PTPRN2: variants seen among roughly 807,000 people sequenced by gnomAD.
The protein encoded by PTPRN2 is protein tyrosine phosphatase receptor type N2, also known as receptor-type tyrosine-protein phosphatase N2.
In PTPRN2, 74 loss-of-function variants were observed where a neutral mutation model predicts 118.8. The observed-to-expected ratio is 0.62, with a 90% CI of 0.52 to 0.76. The LOEUF (loss-of-function observed/expected upper bound fraction) is 0.76. Among genes scored for constraint, PTPRN2 ranks in the 30% least tolerant of loss-of-function variants. The pLI is 0.00. For missense variants in PTPRN2, 1,481 were observed against 1,394.4 expected (o/e 1.06, Z -0.99); for synonymous variants, 641 against 608.0 (o/e 1.05, Z -0.80).
chr7:157,894,323 T>C (rs1019599610), intron 12 of PTPRN2, among the ~76,000 whole-genome samples: 6 of 151,760 alleles, frequency 4.0e-5, no homozygotes, highest in Non-Finnish European at 7.4e-5. Context: ...CATCTTTCTG[T>C]GGATCCAAGT....
Position 158,526,338 on chromosome 7 carries a change from G to A in PTPRN2, c.113-36553C>T, listed in dbSNP as rs1009916279. Reference sequence around the variant, plus strand: ...AGCTCGGCAGGGCTGCATCTCTCCCGTGGGACGCTGCAGAGATAACCAGGT... The same window carrying A: ...AGCTCGGCAGGGCTGCATCTCTCCCATGGGACGCTGCAGAGATAACCAGGT... On this transcript the variant is annotated intron_variant, in intron 1 of 22. Coordinates refer to ENST00000389418, the MANE Select transcript of PTPRN2 (RefSeq NM_002847.5). This position sits in a 1 kb window ranked among gnomAD's most constrained non-coding sequence, Gnocchi z 5.2. Among the ~76,000 whole-genome samples, 10 of 152,170 alleles carry A rather than the reference G, an allele frequency of 6.6e-5. No homozygotes were observed. The highest frequency in any genetic ancestry group is 1.0e-4 in the Non-Finnish European group (7 of 68,032).
At chr7:158,215,946 G>T (rs1827928777) in intron 3 of PTPRN2, among the ~76,000 whole-genome samples, 1 of 152,096 alleles carries the variant, frequency 6.6e-6, no homozygotes, top group African/African-American at 2.4e-5. Context: ...CAAGAACATG[G>T]CAAGCAACAA....
rs144454770 is a variant in PTPRN2, at chr7:158,017,689, C to T, written c.1723+63609G>A. ...TGACTGACTCCCCAGCAGCAGCCCA[C>T]GTGGGGACCCTTGTCAGAGGGGTCT... On this transcript the variant is annotated intron_variant, in intron 11 of 22. Transcript: ENST00000389418. 2.6e-3 allele frequency among the ~76,000 whole-genome samples: 398 copies of T among 152,216 alleles called. 1 individual carries two copies. The highest frequency in any genetic ancestry group is 0.024 in the Middle Eastern group (7 of 294).
chr7:158,086,647 A>G (rs986690307), intron 10 of PTPRN2, among the ~76,000 whole-genome samples: 1 of 152,218 alleles, frequency 6.6e-6, no homozygotes, highest in Admixed American at 6.5e-5. Flanking sequence ...TAGACCATAA[A>G]GAGGAGCCTT....
rs760300360 is a variant in PTPRN2, at chr7:157,568,887, G to A, written c.2902+15C>T. On this transcript the variant is annotated intron_variant, in intron 21 of 22. Transcript: ENST00000389418. Reference sequence around the variant, plus strand: ...AGCTCTGAGCCGCAACAAAGCGGCAGTGTCTGTGTCTCACCTTTGGCCATC... The same window carrying A: ...AGCTCTGAGCCGCAACAAAGCGGCAATGTCTGTGTCTCACCTTTGGCCATC... 6.5e-6 allele frequency: 10 copies of A among 1,542,410 alleles called. No homozygotes were observed. Among genetic ancestry groups the A allele is most frequent in the Admixed American group, 1.7e-5 (1 of 59,900 alleles).
At chr7:157,689,145 G>A (rs1174044951) in intron 12 of PTPRN2, among the ~76,000 whole-genome samples, 1 of 152,238 alleles carries the variant, frequency 6.6e-6, no homozygotes, top group African/African-American at 2.4e-5. Flanking sequence ...GCTTGGGAGG[G>A]GGCGGGAGGG....
Position 157,583,883 on chromosome 7 carries a change from AACACACACACAC to A in PTPRN2, c.2497-5755_2497-5744del, listed in dbSNP as rs35071475. ...GGTGACAGAGCGAGACTCTGTCTCAAACACACACACACACACACACACACACACACACACACA... is the reference window on the plus strand; with the variant it reads ...GGTGACAGAGCGAGACTCTGTCTCAAACACACACACACACACACACACACA... On this transcript the variant is annotated intron_variant, in intron 17 of 22. Coordinates refer to ENST00000389418, the MANE Select transcript of PTPRN2 (RefSeq NM_002847.5). The surrounding 1 kb of genome is among the most constrained non-coding windows in gnomAD (Gnocchi z 5.5). 0.03 allele frequency among the ~76,000 whole-genome samples: 4,081 copies of A among 134,234 alleles called. 93 individuals are homozygous for A. Among genetic ancestry groups the A allele is most frequent in the African/African-American group, 0.066 (2,356 of 35,626 alleles). 88.1% of individuals were successfully genotyped at this position (134,234 alleles called of 152,430 possible). A position where few individuals can be genotyped will look rare whatever the true frequency, so the allele number is the denominator to read the frequency against.
rs115817928 is a variant in PTPRN2 at position 157,582,193 on chromosome 7, G to A, written c.2497-4053C>T. On this transcript the variant is annotated intron_variant, in intron 17 of 22. Coordinates refer to ENST00000389418, the MANE Select transcript of PTPRN2 (RefSeq NM_002847.5). ...TTCACCCATCAAATCACCCACAGGC[G>A]TGGAACAATGGCCACCCCGCCTACG... Among the ~76,000 whole-genome samples, 24 of 152,300 alleles carry A rather than the reference G, an allele frequency of 1.6e-4. No individual in the cohort carries two copies. In the South Asian group the frequency reaches 1.9e-3, roughly 12 times the overall value.
At chr7:158,170,565 T>C (rs1204539187) in intron 5 of PTPRN2, among the ~76,000 whole-genome samples, 1 of 152,218 alleles carries the variant, frequency 6.6e-6, no homozygotes, top group Non-Finnish European at 1.5e-5. Flanking sequence ...TTTCAGTAGT[T>C]AGCACAAACA....
At chr7:158,456,523 T>C (rs377173575) in intron 2 of PTPRN2, among the ~76,000 whole-genome samples, 1,468 of 134,668 alleles carry the variant, frequency 0.011, 48 homozygotes, top group African/African-American at 0.039. Flanking sequence ...CCATCGGCCA[T>C]GGCCCCCCAT....
intron 19 of PTPRN2, among the ~76,000 whole-genome samples, chr7:157,571,891 C>G (rs1393614902): frequency 7.4e-5 from 1 of 13,502 alleles, no homozygotes; most frequent in Non-Finnish European, 1.8e-4. Context: ...GCAATTTATG[C>G]TCAAAATTTC....
chr7:158,564,102 G>A lies in PTPRN2; in HGVS notation c.112+23456C>T, dbSNP rs147916859. ...GGATCTGAGTTAACTGTTGCCATAC[G>A]TCTTGTTAATCACAGGTCTAGGGAC... On this transcript the variant is annotated intron_variant, in intron 1 of 22. Transcript: ENST00000389418. Among the ~76,000 whole-genome samples the A allele has an allele frequency of 2.8e-4, 43 of 152,336 alleles. 2 individuals carry two copies. Among genetic ancestry groups the A allele is most frequent in the African/African-American group, 9.4e-4 (39 of 41,570 alleles).
At chr7:158,527,801 C>T (rs950455683) in intron 1 of PTPRN2, among the ~76,000 whole-genome samples, 1 of 152,184 alleles carries the variant, frequency 6.6e-6, no homozygotes, top group Admixed American at 6.5e-5. Flanking sequence ...CGCCAGCTCT[C>T]ACCCCAGGCT....
chr7:157,842,918 A>C (rs1171935291), intron 12 of PTPRN2, among the ~76,000 whole-genome samples: 1 of 152,222 alleles, frequency 6.6e-6, no homozygotes, highest in Non-Finnish European at 1.5e-5. Flanking sequence ...GATTAGGAAT[A>C]TCTTCCTCAG....
chr7:158,479,589 A>C (rs2129444826), intron 2 of PTPRN2, among the ~76,000 whole-genome samples: 1 of 152,290 alleles, frequency 6.6e-6, no homozygotes, highest in Admixed American at 6.5e-5. Context: ...TAGAATAATA[A>C]CTTTTGACAC....
chr7:158,227,622 T>C (rs1232590839), intron 3 of PTPRN2, among the ~76,000 whole-genome samples: 1 of 152,148 alleles, frequency 6.6e-6, no homozygotes, highest in African/African-American at 2.4e-5. Flanking sequence ...ACAGTGGCAC[T>C]CTAATCAGCA....
In PTPRN2 at chr7:158,570,133, C is replaced by A. The variant is rs74714314; in HGVS notation, c.112+17425G>T. Among the ~76,000 whole-genome samples the A allele has an allele frequency of 6.6e-6, 1 of 152,152 alleles. No individual in the cohort carries two copies. The highest frequency in any genetic ancestry group is 2.4e-5 in the African/African-American group (1 of 41,452). ...GGCTGAGATCGGGCCCCAGGCTCTC[C>A]GCGGAGCCGTCTCCAACCCCTGCAG... On this transcript the variant is annotated intron_variant, in intron 1 of 22. Transcript: ENST00000389418. The surrounding 1 kb of genome is among the most constrained non-coding windows in gnomAD (Gnocchi z 4.5).
rs1391206715 is a variant in PTPRN2 at position 158,270,817 on chromosome 7, G to T, written c.277+46002C>A. Among the ~76,000 whole-genome samples the T allele has an allele frequency of 1.5e-3, 7 of 4,790 alleles. No homozygotes were observed. The South Asian group carries it at 0.026, about 18-fold the overall frequency. The allele number at this position is 4,790 out of a possible 152,430, so 3.1% of individuals were successfully genotyped here. A position where few individuals can be genotyped will look rare whatever the true frequency, so the allele number is the denominator to read the frequency against. On this transcript the variant is annotated intron_variant, in intron 3 of 22. Coordinates refer to ENST00000389418, the MANE Select transcript of PTPRN2 (RefSeq NM_002847.5). ...CCTGGACCACCCCCTCACCTGGACCGCCCCCTCCACCTGGATGACCCCCTC... is the reference window on the plus strand; with the variant it reads ...CCTGGACCACCCCCTCACCTGGACCTCCCCCTCCACCTGGATGACCCCCTC...
intron 6 of PTPRN2, among the ~76,000 whole-genome samples, chr7:158,152,599 C>T (rs1165830263): frequency 6.6e-6 from 1 of 152,174 alleles, no homozygotes; most frequent in Non-Finnish European, 1.5e-5. Flanking sequence ...CTGGCTGGGG[C>T]TCCATCTCCA....
Sources: allele counts gnomAD v4.1 joint callset (sites outside exome capture counted in the v4.1 genomes callset), GRCh38; gene constraint gnomAD v4.1.1; non-coding constraint Gnocchi (gnomAD v3.1); transcripts MANE v1.5; gene names NCBI Gene and HGNC (gene_info 2026-07-23, HGNC 2026-07-21).